The following ZFHX3 variants were observed in gnomAD, a reference collection of about 807,000 sequenced individuals.
ZFHX3 encodes zinc finger homeobox protein 3.
Under a neutral mutation model 279.1 loss-of-function variants are expected in ZFHX3, and 42 were observed. The observed-to-expected ratio is 0.15, with a 90% confidence interval of 0.12 to 0.19. The LOEUF (loss-of-function observed/expected upper bound fraction) is 0.19, where lower values mean the gene tolerates loss of function less well. Ranked by LOEUF, ZFHX3 falls within the 10% of genes least tolerant of loss-of-function variation. The pLI is 1.00. For missense variants in ZFHX3, 4,981 were observed against 4,754.0 expected (o/e 1.05, Z -1.40); for synonymous variants, 2,293 against 1,957.8 (o/e 1.17, Z -4.52).
chr16:73,432,266 C>G (rs981690166), intron 3 of ZFHX3, among the ~76,000 whole-genome samples: 2 of 152,188 alleles, frequency 1.3e-5, no homozygotes, highest in African/African-American at 4.8e-5. Context: ...AGTGCTCTCT[C>G]TCTCATACAT....
chr16:73,589,733 CAAAAAAAAAAAAAAAAAAAAAAAAA>C (rs59777135), intron 2 of ZFHX3, among the ~76,000 whole-genome samples: 3,883 of 29,692 alleles, frequency 0.13, 272 homozygotes, highest in African/African-American at 0.3. Context: ...GACTCCGTCT[CAAAAAAAAAAAAAAAAAAAAAAAAA>C]AAAAAAAAAA....
intron 8 of ZFHX3, chr16:73,093,207 C>A: frequency 1.9e-6 from 1 of 519,818 alleles, no homozygotes. Flanking sequence ...CACGCGCATG[C>A]AGAGGTAAGG....
chr16:73,646,030 G>C (rs531200740), intron 2 of ZFHX3, among the ~76,000 whole-genome samples: 5 of 152,198 alleles, frequency 3.3e-5, no homozygotes, highest in African/African-American at 1.2e-4. Flanking sequence ...TAGCCTTTTG[G>C]ATGGGAAATT....
chr16:73,794,380 A>G (rs1386149369), intron 1 of ZFHX3: 2 of 152,256 alleles, frequency 1.3e-5, no homozygotes, highest in African/African-American at 4.8e-5. Flanking sequence ...CATCAATTTC[A>G]AGAAACATTC....
At chr16:73,409,437 T>C (rs1036365842) in intron 3 of ZFHX3, among the ~76,000 whole-genome samples, 1 of 152,198 alleles carries the variant, frequency 6.6e-6, no homozygotes, top group Non-Finnish European at 1.5e-5. Flanking sequence ...GCCCCAGTTA[T>C]AACAGCTTTT....
At position 72,797,402 on chromosome 16, in the gene ZFHX3, C is replaced by CAGCTCCTGCTGCAGG; in HGVS notation, c.5265_5279dup (p.Leu1756_Leu1760dup). On this transcript the variant is annotated inframe_insertion, in exon 9 of 10. Coordinates refer to ENST00000268489, the MANE Select transcript of ZFHX3 (RefSeq NM_006885.4). Reference sequence around the variant, plus strand: ...ACTGGATCAGGGCAGCCTGTTGCTGCAGCTCCTGCTGCAGGTGAGCTTGAA... The same window carrying CAGCTCCTGCTGCAGG: ...ACTGGATCAGGGCAGCCTGTTGCTGCAGCTCCTGCTGCAGGAGCTCCTGCTGCAGGTGAGCTTGAA... 4 of 1,610,012 alleles carry CAGCTCCTGCTGCAGG rather than the reference C, an allele frequency of 2.5e-6. No homozygotes were observed. Among genetic ancestry groups the CAGCTCCTGCTGCAGG allele is most frequent in the Non-Finnish European group, 3.4e-6 (4 of 1,178,230 alleles).
At chr16:73,412,326 CAAA>C (rs60447973) in intron 3 of ZFHX3, among the ~76,000 whole-genome samples, 1 of 117,438 alleles carries the variant, frequency 8.5e-6, no homozygotes, top group Admixed American at 9.3e-5. Flanking sequence ...GAGACTGTTT[CAAA>C]AAAAAAAAAA....
intron 9 of ZFHX3, among the ~76,000 whole-genome samples, chr16:72,792,279 G>A (rs1170503724): frequency 3.3e-5 from 5 of 152,110 alleles, no homozygotes; most frequent in Admixed American, 6.5e-5. Flanking sequence ...AAAAAAAAGA[G>A]GTGACTGAGG....
At chr16:73,407,647 A>G (rs1435913774) in intron 3 of ZFHX3, among the ~76,000 whole-genome samples, 1 of 152,174 alleles carries the variant, frequency 6.6e-6, no homozygotes, top group Non-Finnish European at 1.5e-5. Context: ...AGGAGATCAC[A>G]CTGAACACAC....
chr16:73,838,133 G>A (rs894601008), intron 1 of ZFHX3, among the ~76,000 whole-genome samples: 8 of 152,184 alleles, frequency 5.3e-5, no homozygotes, highest in African/African-American at 1.7e-4. Context: ...AGAGTTGTCA[G>A]GTTTTGACTG....
At chr16:73,428,921 G>T (rs2017860440) in intron 3 of ZFHX3, among the ~76,000 whole-genome samples, 1 of 152,078 alleles carries the variant, frequency 6.6e-6, no homozygotes, top group Non-Finnish European at 1.5e-5. Flanking sequence ...TACTGCAGGG[G>T]CCTCCAACAG....
chr16:73,208,707 GT>G (rs1191544655), intron 5 of ZFHX3, among the ~76,000 whole-genome samples: 1 of 152,174 alleles, frequency 6.6e-6, no homozygotes, highest in African/African-American at 2.4e-5. Context: ...GCTATCTTTG[GT>G]TGGTAGGATT....
intron 2 of ZFHX3, among the ~76,000 whole-genome samples, chr16:73,544,477 G>T (rs530115132): frequency 3.9e-5 from 6 of 152,232 alleles, no homozygotes; most frequent in Admixed American, 1.3e-4. Context: ...GGCATTGCTG[G>T]CTGGCTGTAA....
At chr16:73,751,541 A>G (rs1404034788) in intron 1 of ZFHX3, among the ~76,000 whole-genome samples, 3 of 150,622 alleles carry the variant, frequency 2.0e-5, no homozygotes, top group Admixed American at 6.6e-5. Context: ...GTGTGTGTGT[A>G]TATATGTTTA....
At chr16:73,557,190 G>A (rs2020300493) in intron 2 of ZFHX3, among the ~76,000 whole-genome samples, 1 of 151,770 alleles carries the variant, frequency 6.6e-6, no homozygotes, top group Non-Finnish European at 1.5e-5. Flanking sequence ...GGTGTGGCCG[G>A]GCCTTTTGCC....
At chr16:73,344,749 G>C (rs1567456232) in intron 3 of ZFHX3, among the ~76,000 whole-genome samples, 1 of 152,184 alleles carries the variant, frequency 6.6e-6, no homozygotes, top group Non-Finnish European at 1.5e-5. Context: ...ACATGGGGAA[G>C]AGGAGAAAAG....
intron 2 of ZFHX3, among the ~76,000 whole-genome samples, chr16:73,563,337 A>C (rs963856883): frequency 4.6e-5 from 7 of 150,834 alleles, no homozygotes; most frequent in Non-Finnish European, 8.9e-5. Context: ...TCCTGGGTTC[A>C]CACCATTCTC....
Position 72,811,608 on chromosome 16 carries a change from G to A in ZFHX3, c.3833C>T (p.Ala1278Val), listed in dbSNP as rs1462666362. ...AATGAGCTTCTCCACGCAGTCAGGT[G>A]CCACGCTGTGGAGGTGGGTGAGGTG... Reference protein sequence around the residue: ...QLHLTHLHSVAPDCVEKLIMT... With the variant: ...QLHLTHLHSVVPDCVEKLIMT... Residue 1278 changes from alanine (A) to valine (V), a missense_variant, in exon 7 of 10, where the codon GCA (alanine) becomes GTA (valine). Ala to Val is a moderately conservative substitution (Grantham distance 64). This residue lies in a region of ZFHX3 where 1,751 missense variants were observed against 1,770.0 expected (regional missense o/e 0.99). Coordinates refer to ENST00000268489, the MANE Select transcript of ZFHX3 (RefSeq NM_006885.4). The A allele has an allele frequency of 6.2e-7, 1 of 1,608,532 alleles. No homozygotes were observed. The highest frequency in any genetic ancestry group is 8.5e-7 in the Non-Finnish European group (1 of 1,176,672).
At chr16:73,102,970 G>T (rs1402032665) in intron 7 of ZFHX3, among the ~76,000 whole-genome samples, 1 of 152,090 alleles carries the variant, frequency 6.6e-6, no homozygotes, top group African/African-American at 2.4e-5. Flanking sequence ...TGTTGCCCTA[G>T]CTGGAGTGTG....
Sources: gnomAD v4.1 joint callset for allele counts (sites outside exome capture counted in the v4.1 genomes callset) on GRCh38, gnomAD v4.1.1 for gene constraint, gnomAD v4.1.1 regional missense constraint, MANE v1.5 for transcripts, NCBI Gene and HGNC (gene_info 2026-07-23, HGNC 2026-07-21) for gene names.